Variants in KIAA1549L observed in about 807,000 individuals in gnomAD.
KIAA1549L encodes KIAA1549 like, also known as UPF0606 protein KIAA1549L.
In KIAA1549L, 88 loss-of-function variants were observed where a neutral mutation model predicts 160.7. The observed-to-expected ratio is 0.55, with a 90% CI of 0.46 to 0.65. KIAA1549L has a LOEUF of 0.65. KIAA1549L is among the 30% of genes least tolerant of loss of function. The pLI is 0.00. For synonymous variants in KIAA1549L, 950 were observed against 976.7 expected (o/e 0.97, Z 0.51); for missense variants, 2,258 against 2,437.5 (o/e 0.93, Z 1.55).
chr11:33,551,113 C>T lies in KIAA1549L; in HGVS notation c.3575C>T (p.Pro1192Leu). 6.2e-7 allele frequency: 1 copy of T among 1,613,958 alleles called. No individual in the cohort carries two copies. Among genetic ancestry groups the T allele is most frequent in the Non-Finnish European group, 8.5e-7 (1 of 1,179,844 alleles). The change falls in exon 5 of 21, where the codon CCT (proline) becomes CTT (leucine). Residue 1192 changes from proline (P) to leucine (L), a missense_variant. Pro to Leu is a moderately conservative substitution (Grantham distance 98). This residue lies in a region of KIAA1549L where 1,359 missense variants were observed against 1,546.6 expected (regional missense o/e 0.88). Transcript: ENST00000658780. ...YATKGKLVYL[P>L]AVVIEMLGVY... ...ACCAAAGGGAAGTTGGTGTATTTGC[C>T]TGCTGTGGTGATCGAAATGCTGGGT...
intron 1 of KIAA1549L, among the ~76,000 whole-genome samples, chr11:33,442,575 G>A (rs1851532526): frequency 6.6e-6 from 1 of 152,080 alleles, no homozygotes; most frequent in Non-Finnish European, 1.5e-5. Flanking sequence ...TTTTCACTCT[G>A]ACTGCTTTTA....
chr11:33,477,798 C>T (rs1480088845), intron 1 of KIAA1549L, among the ~76,000 whole-genome samples: 1 of 151,940 alleles, frequency 6.6e-6, no homozygotes. Flanking sequence ...TGTCACCCAG[C>T]ACAGTGTCTG....
intron 1 of KIAA1549L, among the ~76,000 whole-genome samples, chr11:33,465,072 T>TG (rs1852025958): frequency 7.1e-6 from 1 of 141,590 alleles, no homozygotes; most frequent in Non-Finnish European, 1.5e-5. Context: ...TTTTTTTTTT[T>TG]TGAGACAGAG....
At chr11:33,384,956 T>A (rs915185907) in intron 1 of KIAA1549L, among the ~76,000 whole-genome samples, 2 of 151,202 alleles carry the variant, frequency 1.3e-5, no homozygotes, top group Non-Finnish European at 1.5e-5. Context: ...TTTTTTTTTT[T>A]AAAAGGAGAG....
chr11:33,601,912 G>A (rs545227709), intron 13 of KIAA1549L, among the ~76,000 whole-genome samples: 4 of 152,308 alleles, frequency 2.6e-5, no homozygotes, highest in African/African-American at 4.8e-5. Context: ...ACATGTAAGT[G>A]GGAAAGTCAG....
intron 4 of KIAA1549L, among the ~76,000 whole-genome samples, chr11:33,548,163 G>A (rs1190924516): frequency 2.6e-5 from 4 of 152,182 alleles, no homozygotes; most frequent in African/African-American, 9.7e-5. Context: ...ACTTTGGGAG[G>A]CCGAGGCAGG....
intron 1 of KIAA1549L, among the ~76,000 whole-genome samples, chr11:33,467,130 G>T (rs1231358100): frequency 6.6e-6 from 1 of 151,972 alleles, no homozygotes; most frequent in African/African-American, 2.4e-5. Flanking sequence ...AGAAAAATAT[G>T]GTTAACTTTT....
At chr11:33,471,052 C>G (rs780445692) in intron 1 of KIAA1549L, among the ~76,000 whole-genome samples, 1 of 151,956 alleles carries the variant, frequency 6.6e-6, no homozygotes, top group Non-Finnish European at 1.5e-5. Context: ...AACTCCTGGG[C>G]TCAAGGGATC....
chr11:33,658,029 C>T (rs1411855355), intron 18 of KIAA1549L, among the ~76,000 whole-genome samples: 1 of 152,200 alleles, frequency 6.6e-6, no homozygotes, highest in Non-Finnish European at 1.5e-5. Context: ...AGGGTTGATG[C>T]TTGTGAAGGA....
Position 33,543,328 on chromosome 11 carries a change from G to T in KIAA1549L, c.1765G>T (p.Val589Phe). Reference protein sequence around the residue: ...IPLQAFPRKEVLSLHTVNGFV... With the variant: ...IPLQAFPRKEFLSLHTVNGFV... ...TCTCCAGGCCTTTCCAAGGAAAGAG[G>T]TTTTGAGTCTTCACACTGTAAATGG... The change falls in exon 2 of 21, where the codon GTT becomes TTT. Residue 589 changes from valine to phenylalanine, a missense_variant. Physicochemically the swap from Val to Phe is conservative, Grantham distance 50. This residue lies in a region of KIAA1549L where 540 missense variants were observed against 465.7 expected (regional missense o/e 1.16). Transcript: ENST00000658780. 1 of 1,614,050 alleles carries T rather than the reference G, an allele frequency of 6.2e-7. No homozygotes were observed. The highest frequency in any genetic ancestry group is 8.5e-7 in the Non-Finnish European group (1 of 1,179,900).
At chr11:33,385,486 T>G (rs1257693370) in intron 1 of KIAA1549L, among the ~76,000 whole-genome samples, 2 of 152,212 alleles carry the variant, frequency 1.3e-5, no homozygotes, top group African/African-American at 4.8e-5. Context: ...CAAAAATGTT[T>G]CCAGACATTG....
chr11:33,633,879 G>C (rs1851369498), intron 16 of KIAA1549L, among the ~76,000 whole-genome samples: 1 of 152,174 alleles, frequency 6.6e-6, no homozygotes, highest in Non-Finnish European at 1.5e-5. Flanking sequence ...GGGGATACCA[G>C]TGGTACCTAC....
intron 1 of KIAA1549L, among the ~76,000 whole-genome samples, chr11:33,470,100 T>C (rs1852146993): frequency 6.6e-6 from 1 of 152,208 alleles, no homozygotes; most frequent in Non-Finnish European, 1.5e-5. Flanking sequence ...TAATCTAAGG[T>C]CATGAGAATT....
chr11:33,559,991 G>A, intron 7 of KIAA1549L, 80 bp downstream of exon 7: 1 of 1,262,596 alleles, frequency 7.9e-7, no homozygotes, highest in South Asian at 1.3e-5. Context: ...ATAGTGCCAG[G>A]CCACATACTA....
At chr11:33,574,931 T>A in intron 10 of KIAA1549L, 58 bp downstream of exon 10, 1 of 1,433,702 alleles carries the variant, frequency 7.0e-7, no homozygotes, top group Non-Finnish European at 9.7e-7. Flanking sequence ...TTCCTGAAAA[T>A]CAAAATGATT....
intron 13 of KIAA1549L, 147 bp from the exon 14 acceptor site, chr11:33,606,494 G>A (rs1850504450): frequency 8.7e-6 from 6 of 690,346 alleles, no homozygotes; most frequent in South Asian, 4.3e-5. Flanking sequence ...TAGCAGTAGC[G>A]AGTCCTTGGC....
chr11:33,489,301 G>T (rs1852601935), intron 1 of KIAA1549L, among the ~76,000 whole-genome samples: 1 of 152,194 alleles, frequency 6.6e-6, no homozygotes, highest in Non-Finnish European at 1.5e-5. Context: ...TACAAGGCAT[G>T]TGTGCATGCA....
chr11:33,606,013 G>A (rs1488524023), intron 13 of KIAA1549L, among the ~76,000 whole-genome samples: 2 of 152,156 alleles, frequency 1.3e-5, no homozygotes, highest in African/African-American at 2.4e-5. Flanking sequence ...TACTTAATTA[G>A]GGGAGTTGTC....
At chr11:33,419,901 CATACATATATAT>C (rs1565128922) in intron 1 of KIAA1549L, among the ~76,000 whole-genome samples, 1 of 129,604 alleles carries the variant, frequency 7.7e-6, no homozygotes, top group African/African-American at 3.9e-5. Context: ...TACATACATA[CATACATATATAT>C]ATATGAATAG....
Sources: allele counts gnomAD v4.1 joint callset (sites outside exome capture counted in the v4.1 genomes callset), GRCh38; gene constraint gnomAD v4.1.1; regional missense constraint gnomAD v4.1.1; transcripts MANE v1.5; gene names NCBI Gene and HGNC (gene_info 2026-07-23, HGNC 2026-07-21).